Variants in FAM184A observed in about 807,000 individuals in gnomAD.
The protein encoded by FAM184A is family with sequence similarity 184 member A, also known as protein FAM184A.
Under a neutral mutation model 143.8 loss-of-function variants are expected in FAM184A, and 99 were observed. The ratio of observed to expected loss-of-function variants is 0.69; its 90% CI spans 0.58 to 0.81. FAM184A has a LOEUF of 0.81. FAM184A is among the 40% of genes least tolerant of loss of function. FAM184A has a pLI of 0.00. For synonymous variants in FAM184A, 427 were observed against 446.4 expected (o/e 0.96, Z 0.55); for missense variants, 1,217 against 1,310.5 (o/e 0.93, Z 1.10).
chr6:119,020,146 C>A lies in FAM184A; in HGVS notation c.1164G>T (p.Met388Ile). The change falls in exon 4 of 18, where the codon ATG becomes ATT. Residue 388 changes from methionine (M) to isoleucine (I), a missense_variant. Transcript: ENST00000338891. The stretch of plus-strand genomic sequence containing the variant: ...CCTGGGTCATTTGAGTTGCTTGAAG[C>A]ATTCCAATATGACCTATCCCCCAAA... ...DLVLKASHIG[M>I]LQATQMTQEV... 6.3e-7 allele frequency: 1 copy of A among 1,582,600 alleles called. No homozygotes were observed. Among genetic ancestry groups the A allele is most frequent in the South Asian group, 1.2e-5 (1 of 84,210 alleles).
intron 9 of FAM184A, among the ~76,000 whole-genome samples, chr6:118,983,552 G>C (rs896616947): frequency 6.6e-6 from 1 of 151,844 alleles, no homozygotes; most frequent in African/African-American, 2.4e-5. Context: ...CTATACATTC[G>C]TTAAAATTTA....
At chr6:118,983,872 G>T (rs564243709) in intron 9 of FAM184A, among the ~76,000 whole-genome samples, 16 of 151,832 alleles carry the variant, frequency 1.1e-4, no homozygotes, top group African/African-American at 3.9e-4. Flanking sequence ...ATATGGGCCG[G>T]GCACGGTTGC....
chr6:119,010,634 T>C (rs1019358058), intron 6 of FAM184A, among the ~76,000 whole-genome samples: 3 of 152,196 alleles, frequency 2.0e-5, no homozygotes, highest in African/African-American at 7.2e-5. Context: ...TTTTCCTCTT[T>C]TTAAATTTTG....
At position 119,112,137 on chromosome 6, in the gene FAM184A, C is replaced by CTT. The variant is rs1319598625; in HGVS notation, c.-202+36939_-202+36940dup. Among the ~76,000 whole-genome samples, 1,432 of 144,954 alleles carry CTT rather than the reference C, an allele frequency of 9.9e-3. 27 individuals carry two copies. Among genetic ancestry groups the CTT allele is most frequent in the African/African-American group, 0.035 (1,376 of 39,772 alleles). On this transcript the variant is annotated intron_variant, in intron 1 of 16. Transcript: ENST00000352896. ...TATTTCTTTTTTCTTTTCTTTCTTT[C>CTT]TTTTTTTTTTTCAGGTGTAGTTTCA...
intron 1 of FAM184A, chr6:119,148,973 C>T (rs1195905936): frequency 1.3e-5 from 2 of 152,158 alleles, no homozygotes; most frequent in Admixed American, 6.5e-5. Flanking sequence ...ATGCTGTCTT[C>T]GCTTTGTACT....
At chr6:119,104,463 C>T (rs549381221) in intron 1 of FAM184A, among the ~76,000 whole-genome samples, 1 of 152,144 alleles carries the variant, frequency 6.6e-6, no homozygotes, top group Non-Finnish European at 1.5e-5. Flanking sequence ...CAGGGTCCAC[C>T]ATAGTGCCTG....
intron 9 of FAM184A, among the ~76,000 whole-genome samples, chr6:119,001,709 C>T (rs1017466218): frequency 6.6e-6 from 1 of 152,142 alleles, no homozygotes; most frequent in African/African-American, 2.4e-5. Context: ...CAGCCGAAAA[C>T]TGTCTATGTT....
chr6:118,961,909 G>C lies in FAM184A; in HGVS notation c.3193C>G (p.Leu1065Val). ...ACTCCACCAGATTCCAGAGCACTTA[G>C]ATTGGGAACACTCACAAACCTGTTT... ...PTNRFVSVPN[L>V]SALESGGVGN... The change falls in exon 17 of 18, where the codon CTA becomes GTA. Residue 1065 changes from leucine to valine, a missense_variant. Leu to Val is a conservative substitution (Grantham distance 32, BLOSUM62 1). Coordinates refer to ENST00000338891, the MANE Select transcript of FAM184A (RefSeq NM_024581.6). The C allele has an allele frequency of 3.7e-6, 6 of 1,613,940 alleles. No individual in the cohort carries two copies. The highest frequency in any genetic ancestry group is 5.1e-6 in the Non-Finnish European group (6 of 1,179,876).
intron 1 of FAM184A, among the ~76,000 whole-genome samples, chr6:119,033,139 T>G: frequency 6.6e-6 from 1 of 152,200 alleles, no homozygotes; most frequent in East Asian, 1.9e-4. Context: ...TAAGGGAATC[T>G]TATGTTTCTA....
At chr6:118,983,053 T>C (rs1371795782) in intron 9 of FAM184A, among the ~76,000 whole-genome samples, 1 of 152,236 alleles carries the variant, frequency 6.6e-6, no homozygotes, top group Admixed American at 6.5e-5. Context: ...CATACTTAGA[T>C]ATTTTGTATT....
chr6:119,055,163 T>C (rs1270669987), intron 1 of FAM184A, among the ~76,000 whole-genome samples: 1 of 152,216 alleles, frequency 6.6e-6, no homozygotes, highest in Non-Finnish European at 1.5e-5. Context: ...GCCTTTTGTG[T>C]CTGGCCTCTT....
At chr6:119,146,117 A>G (rs1772416975) in intron 1 of FAM184A, among the ~76,000 whole-genome samples, 1 of 152,164 alleles carries the variant, frequency 6.6e-6, no homozygotes, top group Non-Finnish European at 1.5e-5. Flanking sequence ...ATTACCTTCT[A>G]TTTATGACAG....
intron 1 of FAM184A, among the ~76,000 whole-genome samples, chr6:119,144,462 T>G (rs1772355821): frequency 1.3e-5 from 2 of 152,044 alleles, no homozygotes; most frequent in African/African-American, 4.8e-5. Flanking sequence ...CTCTGACAGG[T>G]GCTGGCTTTG....
intron 1 of FAM184A, among the ~76,000 whole-genome samples, chr6:119,136,637 G>C (rs1022337257): frequency 5.9e-5 from 9 of 152,280 alleles, no homozygotes; most frequent in African/African-American, 2.2e-4. Context: ...GTAGGAATTA[G>C]GGTAGCTCCA....
At chr6:118,976,116 G>C (rs758096895) in intron 11 of FAM184A, 72 bp from the exon 12 acceptor site, 24 of 1,457,824 alleles carry the variant, frequency 1.6e-5, no homozygotes, top group Non-Finnish European at 2.2e-5. Context: ...AAAAATTATA[G>C]AAGTAAAAAA....
chr6:118,966,576 ATAT>A (rs932185703), intron 15 of FAM184A, among the ~76,000 whole-genome samples: 2 of 152,208 alleles, frequency 1.3e-5, no homozygotes, highest in African/African-American at 2.4e-5. Flanking sequence ...TGGCAGTGAC[ATAT>A]TATTAAACAT....
At chr6:119,114,207 C>G (rs649979) in intron 1 of FAM184A, among the ~76,000 whole-genome samples, 140,539 of 152,270 alleles carry the variant, frequency 0.92, 64,965 homozygotes, top group East Asian at 1. Context: ...TCACAGAACA[C>G]CTTCCAGGGC....
Position 119,024,683 on chromosome 6 carries a change from T to C in FAM184A, c.290A>G (p.Lys97Arg), listed in dbSNP as rs769352698. 3 of 1,614,062 alleles carry C rather than the reference T, an allele frequency of 1.9e-6. No homozygotes were observed. Among genetic ancestry groups the C allele is most frequent in the South Asian group, 1.1e-5 (1 of 91,076 alleles). Reference protein sequence around the residue: ...TREKILQYKSKVTEELDLRRK... With the variant: ...TREKILQYKSRVTEELDLRRK... ...TCTAAGGTCTAGCTCCTCTGTTACTTTGCTTTTATACTGCAATATTTTTTC... is the reference window on the plus strand; with the variant it reads ...TCTAAGGTCTAGCTCCTCTGTTACTCTGCTTTTATACTGCAATATTTTTTC... Residue 97 changes from lysine to arginine, a missense_variant, in exon 2 of 18, where the codon AAA becomes AGA. Lys to Arg is a conservative substitution (Grantham distance 26). Transcript: ENST00000338891.
chr6:119,047,081 C>T (rs1419653405), intron 1 of FAM184A, among the ~76,000 whole-genome samples: 1 of 152,054 alleles, frequency 6.6e-6, no homozygotes, highest in Non-Finnish European at 1.5e-5. Flanking sequence ...TTTAAATAGA[C>T]ATTTCTCAAC....
Sources: gnomAD v4.1 joint callset for allele counts (sites outside exome capture counted in the v4.1 genomes callset) on GRCh38, gnomAD v4.1.1 for gene constraint, MANE v1.5 for transcripts, NCBI Gene and HGNC (gene_info 2026-07-23, HGNC 2026-07-21) for gene names.